Variants in SDR42E2 observed in about 807,000 individuals in gnomAD.
SDR42E2 encodes putative short-chain dehydrogenase/reductase family 42E member 2.
SDR42E2 carries 20 observed loss-of-function variants against 10.5 expected under a neutral mutation model. The ratio of observed to expected loss-of-function variants is 1.90; its 90% CI spans 1.34 to 2.77. The LOEUF (loss-of-function observed/expected upper bound fraction) is 2.77. Among genes scored for constraint, SDR42E2 ranks in the 30% most tolerant of loss-of-function variants. The probability of loss-of-function intolerance (pLI) is 0.00; values close to 1 mark genes in which losing one functional copy is unlikely to be tolerated. For missense variants in SDR42E2, 162 were observed against 104.2 expected (o/e 1.55, Z -2.42); for synonymous variants, 72 against 39.2 (o/e 1.84, Z -3.12).
intron 8 of SDR42E2, among the ~76,000 whole-genome samples, chr16:22,180,770 G>A (rs2046685902): frequency 6.6e-6 from 1 of 152,152 alleles, no homozygotes; most frequent in Admixed American, 6.5e-5. Flanking sequence ...ACTTTGGGAG[G>A]CCGAGATGGG....
At chr16:22,188,638 G>A (rs536346209) in intron 12 of SDR42E2, among the ~76,000 whole-genome samples, 11 of 152,120 alleles carry the variant, frequency 7.2e-5, no homozygotes, top group Non-Finnish European at 1.6e-4. Context: ...TAGCTGCCAG[G>A]GTGCAGCTGA....
chr16:22,178,264 G>T, intron 8 of SDR42E2, 52 bp downstream of exon 8: 1 of 693,566 alleles, frequency 1.4e-6, no homozygotes, highest in Middle Eastern at 2.3e-4. Context: ...CCTGGCTGAG[G>T]TGTACACTGG....
At chr16:22,188,930 C>T (rs552387015) in intron 12 of SDR42E2, among the ~76,000 whole-genome samples, 64 of 152,288 alleles carry the variant, frequency 4.2e-4, no homozygotes, top group African/African-American at 1.4e-3. Context: ...AGACAGCCCA[C>T]TAACCAGGCA....
intron 4 of SDR42E2, among the ~76,000 whole-genome samples, chr16:22,168,441 T>C (rs1403619306): frequency 6.6e-6 from 1 of 151,756 alleles, no homozygotes; most frequent in African/African-American, 2.4e-5. Flanking sequence ...AATTTTTGTA[T>C]TTTTAGTAGA....
At chr16:22,176,970 G>A (rs1399288752) in intron 7 of SDR42E2, among the ~76,000 whole-genome samples, 1 of 152,224 alleles carries the variant, frequency 6.6e-6, no homozygotes, top group African/African-American at 2.4e-5. Context: ...AGCAGCTGCT[G>A]CCACTTCCAA....
At chr16:22,164,674 G>C (rs547435979) in intron 1 of SDR42E2, among the ~76,000 whole-genome samples, 1 of 152,310 alleles carries the variant, frequency 6.6e-6, no homozygotes, top group African/African-American at 2.4e-5. Flanking sequence ...CACTACTGTC[G>C]GACCTTGGAG....
intron 7 of SDR42E2, among the ~76,000 whole-genome samples, chr16:22,176,927 G>A (rs1042348691): frequency 1.3e-5 from 2 of 152,314 alleles, no homozygotes; most frequent in Non-Finnish European, 1.5e-5. Context: ...TACAGACCCC[G>A]GCTCTTTCCT....
chr16:22,162,804 T>G (rs2046508263), intron 1 of SDR42E2, among the ~76,000 whole-genome samples: 1 of 152,194 alleles, frequency 6.6e-6, no homozygotes, highest in African/African-American at 2.4e-5. Context: ...CAAAGTTTCC[T>G]CATGTTCTCT....
At chr16:22,184,594 T>C (rs1459074767) in intron 11 of SDR42E2, among the ~76,000 whole-genome samples, 1 of 152,048 alleles carries the variant, frequency 6.6e-6, no homozygotes, top group Admixed American at 6.6e-5. Context: ...AGAGTGAGAC[T>C]CTGTCTCAAA....
intron 8 of SDR42E2, among the ~76,000 whole-genome samples, chr16:22,180,467 G>A (rs112161778): frequency 0.031 from 4,719 of 152,188 alleles, 110 homozygotes; most frequent in Non-Finnish European, 0.045. Flanking sequence ...TTGGGAAGCC[G>A]AGGAGGGAAG....
intron 12 of SDR42E2, 83 bp from the exon 13 acceptor site, chr16:22,190,056 C>CT (rs898105252): frequency 2.5e-6 from 1 of 400,322 alleles, no homozygotes; most frequent in Non-Finnish European, 4.4e-6. Flanking sequence ...CCTGCCCTCT[C>CT]TTTTCCCTTT....
intron 4 of SDR42E2, among the ~76,000 whole-genome samples, chr16:22,168,881 T>A (rs541421726): frequency 1.1e-4 from 16 of 152,012 alleles, no homozygotes; most frequent in African/African-American, 3.9e-4. Flanking sequence ...CTCAAAAAAA[T>A]AATAATAATA....
At chr16:22,178,723 C>T (rs376871610) in intron 8 of SDR42E2, among the ~76,000 whole-genome samples, 12 of 152,258 alleles carry the variant, frequency 7.9e-5, no homozygotes, top group African/African-American at 2.9e-4. Flanking sequence ...AGGGGAAACC[C>T]AGGAGGGCTC....
chr16:22,180,080 C>T (rs569739452), intron 8 of SDR42E2, among the ~76,000 whole-genome samples: 110 of 151,940 alleles, frequency 7.2e-4, no homozygotes, highest in African/African-American at 2.6e-3. Flanking sequence ...TGTGGTGGAG[C>T]GAGTGAGGGG....
rs563321635 is a variant in SDR42E2, at chr16:22,184,902, G to A, written c.940+658G>A. Among the ~76,000 whole-genome samples the A allele has an allele frequency of 5.3e-5, 8 of 152,258 alleles. No homozygotes were observed. In the South Asian group the frequency reaches 8.3e-4, roughly 16 times the overall value. On this transcript the variant is annotated intron_variant, in intron 11 of 12. Transcript: ENST00000602312. ...GCCACAGTGAGAATGCGGGAGAGGC[G>A]GAGAGGCGGAATTCACAACTGGGCT...
At chr16:22,174,789 G>A (rs1309526782) in intron 7 of SDR42E2, among the ~76,000 whole-genome samples, 3 of 152,062 alleles carry the variant, frequency 2.0e-5, no homozygotes, top group African/African-American at 7.2e-5. Flanking sequence ...TGGATACCCT[G>A]GCCCTCCGTG....
rs397757924 is a variant in SDR42E2, at chr16:22,179,813, C to CAA, written c.672+1617_672+1618dup. On this transcript the variant is annotated intron_variant, in intron 8 of 12. Coordinates refer to ENST00000602312, the MANE Select transcript of SDR42E2 (RefSeq NM_001394319.2). Reference sequence around the variant, plus strand: ...GGGCAACAAAAGCGAAACTTCATCTCAAAAAAAAAAAAAAAAAGAAGATTC... The same window carrying CAA: ...GGGCAACAAAAGCGAAACTTCATCTCAAAAAAAAAAAAAAAAAAAGAAGATTC... 3.4e-3 allele frequency among the ~76,000 whole-genome samples: 326 copies of CAA among 94,648 alleles called. 1 individual carries two copies. Among genetic ancestry groups the CAA allele is most frequent in the South Asian group, 0.014 (41 of 2,934 alleles). 62.1% of individuals were successfully genotyped at this position (94,648 alleles called of 152,430 possible).
rs983040926 is a variant in SDR42E2, at chr16:22,181,623, C to T, written c.777C>T (p.Ala259=). 22 of 702,872 alleles carry T rather than the reference C, an allele frequency of 3.1e-5. No individual in the cohort carries two copies. The highest frequency in any genetic ancestry group is 2.3e-4 in the Middle Eastern group (1 of 4,390). 43.5% of individuals were successfully genotyped at this position (702,872 alleles called of 1,614,324 possible). ...TGGTGCAGGCACACGTGCTGGCGGC[C>T]GAGGCCCTCACCACGGCCAAGGGCT... is the stretch of plus-strand genomic sequence containing the variant. The part of the protein sequence containing the change: ...HNLVQAHVLA[A]EALTTAKGYV... Residue 259 remains alanine, a synonymous_variant, in exon 9 of 13, where the codon GCC becomes GCT. Coordinates refer to ENST00000602312, the MANE Select transcript of SDR42E2 (RefSeq NM_001394319.2).
Position 22,166,312 on chromosome 16 carries a change from G to A in SDR42E2, c.118G>A (p.Gly40Arg). Residue 40 changes from glycine to arginine, a missense_variant, in exon 3 of 13, where the codon GGA becomes AGA. Gly to Arg is a moderately radical substitution (Grantham distance 125). Transcript: ENST00000602312. ...TGCCAGGCAGAAGGTTCTAGTGACTGGAGGAGGAGGCTACCTGGGCTTCAG... is the reference window on the plus strand; with the variant it reads ...TGCCAGGCAGAAGGTTCTAGTGACTAGAGGAGGAGGCTACCTGGGCTTCAG... Reference protein sequence around the residue: ...KAARQKVLVTGGGGYLGFSLG... With the variant: ...KAARQKVLVTRGGGYLGFSLG... 2.5e-6 allele frequency: 1 copy of A among 402,430 alleles called. No individual in the cohort carries two copies. Among genetic ancestry groups the A allele is most frequent in the Non-Finnish European group, 4.4e-6 (1 of 227,098 alleles). The allele number at this position is 402,430 out of a possible 1,614,324, so 24.9% of individuals were successfully genotyped here. A position where few individuals can be genotyped will look rare whatever the true frequency, so the allele number is the denominator to read the frequency against.
Sources: gnomAD v4.1 joint callset for allele counts (sites outside exome capture counted in the v4.1 genomes callset) on GRCh38, gnomAD v4.1.1 for gene constraint, MANE v1.5 for transcripts, NCBI Gene and HGNC (gene_info 2026-07-23, HGNC 2026-07-21) for gene names.